HDAC4: variants seen among roughly 807,000 people sequenced by gnomAD.
The protein encoded by HDAC4 is histone deacetylase 4, also known as histone deacetylase A.
In HDAC4, 16 loss-of-function variants were observed where a neutral mutation model predicts 135.1. The ratio of observed to expected loss-of-function variants is 0.12; its 90% CI spans 0.08 to 0.18. The LOEUF is 0.18. HDAC4 is among the 10% of genes least tolerant of loss of function. The pLI, the probability that HDAC4 is intolerant of heterozygous loss-of-function variation, is 1.00. For missense variants in HDAC4, 1,143 were observed against 1,511.8 expected (o/e 0.76, Z 4.05); for synonymous variants, 685 against 653.4 (o/e 1.05, Z -0.74).
At chr2:239,228,563 A>G (rs1655539914) in intron 3 of HDAC4, among the ~76,000 whole-genome samples, 3 of 152,168 alleles carry the variant, frequency 2.0e-5, no homozygotes, top group Non-Finnish European at 4.4e-5. Context: ...AGAAATCAGA[A>G]GTGACTTGTC....
chr2:239,076,424 G>T (rs2034771664), intron 22 of HDAC4, among the ~76,000 whole-genome samples: 1 of 152,188 alleles, frequency 6.6e-6, no homozygotes, highest in Non-Finnish European at 1.5e-5. Flanking sequence ...AGCCACAACT[G>T]CATCTAAATG....
At chr2:239,320,382 CAA>C (rs11343522) in intron 2 of HDAC4, among the ~76,000 whole-genome samples, 125 of 61,288 alleles carry the variant, frequency 2.0e-3, no homozygotes, top group Middle Eastern at 0.02. Flanking sequence ...GACTTCATCT[CAA>C]AAAAAAAAAA....
intron 16 of HDAC4, among the ~76,000 whole-genome samples, chr2:239,100,572 C>G (rs1290278610): frequency 6.6e-6 from 1 of 152,178 alleles, no homozygotes; most frequent in Admixed American, 6.5e-5. Flanking sequence ...TCCAGCCGTT[C>G]CTCGGGCCCT....
intron 1 of HDAC4, among the ~76,000 whole-genome samples, chr2:239,391,566 C>T (rs1010350570): frequency 2.6e-5 from 4 of 152,144 alleles, no homozygotes; most frequent in Non-Finnish European, 4.4e-5. Context: ...TGAGTCTCTG[C>T]GGGAGAGACA....
intron 18 of HDAC4, 35 bp from the exon 19 acceptor site, chr2:239,087,649 C>CA (rs774075668): frequency 1.2e-6 from 2 of 1,602,876 alleles, no homozygotes; most frequent in Non-Finnish European, 1.7e-6. Context: ...GAGAGAGCAA[C>CA]AAAAGACACA....
At chr2:239,112,989 C>T (rs2038808838) in intron 13 of HDAC4, among the ~76,000 whole-genome samples, 1 of 152,214 alleles carries the variant, frequency 6.6e-6, no homozygotes, top group Admixed American at 6.5e-5. Flanking sequence ...CTTGGGGAGG[C>T]TGAGGCGGGT....
chr2:239,067,595 T>C (rs187596462), intron 23 of HDAC4, among the ~76,000 whole-genome samples: 1 of 152,196 alleles, frequency 6.6e-6, no homozygotes, highest in Non-Finnish European at 1.5e-5. Context: ...GGCCGGGTGC[T>C]GTGGGGCGTT....
intron 14 of HDAC4, among the ~76,000 whole-genome samples, 186 bp from the exon 15 acceptor site, chr2:239,108,369 G>A (rs147758350): frequency 6.6e-6 from 1 of 152,208 alleles, no homozygotes; most frequent in African/African-American, 2.4e-5. Context: ...AGAGAACGTG[G>A]ACGAATGCAG....
intron 3 of HDAC4, among the ~76,000 whole-genome samples, chr2:239,208,326 CAAAAAAAAAA>C (rs759398313): frequency 1.6e-4 from 11 of 68,214 alleles, no homozygotes; most frequent in African/African-American, 6.2e-4. Flanking sequence ...GACTCCGTCC[CAAAAAAAAAA>C]AAAAAAAAAA....
rs970358368 is a variant in HDAC4, at chr2:239,285,200, C to G, written c.23-48536G>C. ...CGTTACACAGTGAGAAAACAGGCAGCTGGATGAGCACAGAGCCACGGTGGA... is the reference window on the plus strand; with the variant it reads ...CGTTACACAGTGAGAAAACAGGCAGGTGGATGAGCACAGAGCCACGGTGGA... On this transcript the variant is annotated intron_variant, in intron 2 of 26. Transcript: ENST00000543185. This position sits in a 1 kb window ranked among gnomAD's most constrained non-coding sequence, Gnocchi z 4.5. Among the ~76,000 whole-genome samples, 1 of 152,198 alleles carries G rather than the reference C, an allele frequency of 6.6e-6. No homozygotes were observed. Among genetic ancestry groups the G allele is most frequent in the Admixed American group, 6.5e-5 (1 of 15,276 alleles).
chr2:239,381,160 C>T (rs921444852), intron 1 of HDAC4, among the ~76,000 whole-genome samples: 6 of 152,214 alleles, frequency 3.9e-5, no homozygotes, highest in East Asian at 3.8e-4. Context: ...CTGCCTCCCG[C>T]GACCGCCTTC....
rs1355274395 is a variant in HDAC4, at chr2:239,313,003, C to T, written c.22+39675G>A. Among the ~76,000 whole-genome samples the T allele has an allele frequency of 1.3e-5, 2 of 152,204 alleles. No individual in the cohort carries two copies. The highest frequency in any genetic ancestry group is 1.9e-4 in the East Asian group (1 of 5,178). On this transcript the variant is annotated intron_variant, in intron 2 of 26. Coordinates refer to ENST00000543185, the MANE Select transcript of HDAC4 (RefSeq NM_001378414.1). This position sits in a 1 kb window ranked among gnomAD's most constrained non-coding sequence, Gnocchi z 5.1. The stretch of plus-strand genomic sequence containing the variant: ...TCACTGGCTGCCGACGGGAGGCAGA[C>T]GAGGTGCCGGGGGCAGCCTGCAGAG...
Position 239,331,852 on chromosome 2 carries a change from G to C in HDAC4, c.22+20826C>G, listed in dbSNP as rs777143036. Among the ~76,000 whole-genome samples the C allele has an allele frequency of 6.6e-6, 1 of 152,164 alleles. No individual in the cohort carries two copies. The highest frequency in any genetic ancestry group is 1.5e-5 in the Non-Finnish European group (1 of 68,024). On this transcript the variant is annotated intron_variant, in intron 2 of 26. Coordinates refer to ENST00000543185, the MANE Select transcript of HDAC4 (RefSeq NM_001378414.1). This position sits in a 1 kb window ranked among gnomAD's most constrained non-coding sequence, Gnocchi z 4.5. ...AGAGGCTGAGGAGCGGAGCAGCACCGGACGGCTCGGACCCTGGGAAACGAA... is the reference window on the plus strand; with the variant it reads ...AGAGGCTGAGGAGCGGAGCAGCACCCGACGGCTCGGACCCTGGGAAACGAA...
At chr2:239,340,239 C>T (rs1216271516) in intron 2 of HDAC4, among the ~76,000 whole-genome samples, 1 of 152,234 alleles carries the variant, frequency 6.6e-6, no homozygotes, top group Admixed American at 6.5e-5. Flanking sequence ...GCTGTGCAAG[C>T]ATGGACACAG....
At chr2:239,058,436 C>T (rs1360592454) in intron 24 of HDAC4, among the ~76,000 whole-genome samples, 2 of 152,194 alleles carry the variant, frequency 1.3e-5, no homozygotes, top group Non-Finnish European at 2.9e-5. Flanking sequence ...AAAGCACAGA[C>T]CACAGGATAG....
chr2:239,309,926 AG>A lies in HDAC4; in HGVS notation c.22+42751del. Among the ~76,000 whole-genome samples the A allele has an allele frequency of 6.6e-6, 1 of 152,282 alleles. No individual in the cohort carries two copies. The highest frequency in any genetic ancestry group is 2.1e-4 in the South Asian group (1 of 4,830). On this transcript the variant is annotated intron_variant, in intron 2 of 26. Coordinates refer to ENST00000543185, the MANE Select transcript of HDAC4 (RefSeq NM_001378414.1). The surrounding 1 kb of genome is among the most constrained non-coding windows in gnomAD (Gnocchi z 4.2). ...TGCTGCCTGGTCCCATGGGGCATGA[AG>A]GGAGGGTGGCCAGGGTGGCCCGAGC...
In HDAC4 at chr2:239,381,356, C is replaced by T. The variant is rs141035623; in HGVS notation, c.-220+19622G>A. ...TCGAACTACATCTGCATGCAAAACA[C>T]GCTCTGGCTGGGAAAATGTAAGTTC... On this transcript the variant is annotated intron_variant, in intron 1 of 26. Transcript: ENST00000543185. Among the ~76,000 whole-genome samples the T allele has an allele frequency of 1.8e-4, 27 of 152,292 alleles. No homozygotes were observed. In the East Asian group the frequency reaches 2.9e-3, roughly 16 times the overall value.
In HDAC4 at chr2:239,400,359, C is replaced by T. The variant is rs985398668; in HGVS notation, c.-220+619G>A. The stretch of plus-strand genomic sequence containing the variant: ...GCCCGCCCGCCCCCGCCCTCACTCC[C>T]GGCGGCCCGGAGCCCACCTGCTCGG... On this transcript the variant is annotated intron_variant, in intron 1 of 26. Transcript: ENST00000543185. This position sits in a 1 kb window ranked among gnomAD's most constrained non-coding sequence, Gnocchi z 4.7. 3 of 148,512 alleles carry T rather than the reference C, an allele frequency of 2.0e-5. No individual in the cohort carries two copies. The highest frequency in any genetic ancestry group is 7.3e-5 in the African/African-American group (3 of 41,044). The allele number at this position is 148,512 out of a possible 1,614,324, so 9.2% of individuals were successfully genotyped here.
intron 12 of HDAC4, among the ~76,000 whole-genome samples, chr2:239,120,607 GGGGGGGCGGGGAAGGGAAATA>G (rs1383668408): frequency 1.4e-5 from 2 of 139,420 alleles, no homozygotes; most frequent in Non-Finnish European, 3.1e-5. Flanking sequence ...GGAGGGAAAT[GGGGGGGCGGGGAAGGGAAATA>G]GGGGGAGGGG....
Sources: gnomAD v4.1 joint callset for allele counts (sites outside exome capture counted in the v4.1 genomes callset) on GRCh38, gnomAD v4.1.1 for gene constraint, Gnocchi (gnomAD v3.1) non-coding constraint, MANE v1.5 for transcripts, NCBI Gene and HGNC (gene_info 2026-07-23, HGNC 2026-07-21) for gene names.